Variants in ZDHHC14 observed in about 807,000 individuals in gnomAD.
The protein encoded by ZDHHC14 is zDHHC palmitoyltransferase 14, also known as palmitoyltransferase ZDHHC14.
ZDHHC14 carries 16 observed loss-of-function variants against 47.7 expected under a neutral mutation model. That is an observed-to-expected ratio of 0.34 (90% CI 0.23 to 0.51). The LOEUF is 0.51. ZDHHC14 is among the 20% of genes least tolerant of loss of function. The pLI, the probability that ZDHHC14 is intolerant of heterozygous loss-of-function variation, is 0.97. For synonymous variants in ZDHHC14, 293 were observed against 278.9 expected, an observed-to-expected ratio of 1.05 and a Z score of -0.50; for missense variants, 515 against 662.5, an observed-to-expected ratio of 0.78 and a Z score of 2.44.
At chr6:157,397,627 A>G (rs1320042597) in intron 1 of ZDHHC14, among the ~76,000 whole-genome samples, 2 of 152,186 alleles carry the variant, frequency 1.3e-5, no homozygotes, top group African/African-American at 4.8e-5. Flanking sequence ...AAGGCCCTTA[A>G]TGTATCACAG....
chr6:157,594,541 C>T (rs908948620), intron 3 of ZDHHC14, among the ~76,000 whole-genome samples: 2 of 152,180 alleles, frequency 1.3e-5, no homozygotes, highest in Non-Finnish European at 2.9e-5. Flanking sequence ...AATGAATGAA[C>T]AGGTGGAAAG....
chr6:157,561,860 C>T (rs759081031), intron 2 of ZDHHC14, among the ~76,000 whole-genome samples: 8 of 152,132 alleles, frequency 5.3e-5, no homozygotes, highest in Non-Finnish European at 1.2e-4. Flanking sequence ...GGGGTTTTCA[C>T]CATGTTGGCC....
Position 157,676,588 on chromosome 6 carries a change from G to A in ZDHHC14, c.*3466G>A, listed in dbSNP as rs1197756932. 3 of 152,250 alleles carry A rather than the reference G, an allele frequency of 2.0e-5. No homozygotes were observed. Among genetic ancestry groups the A allele is most frequent in the Non-Finnish European group, 4.4e-5 (3 of 68,076 alleles). The allele number at this position is 152,250 out of a possible 1,614,324, so 9.4% of individuals were successfully genotyped here. ...TCACCTCCTGGGCCTAGGCCTTCTT[G>A]TCTGACTCAACAGCAAGAAAAATGA... On this transcript the variant is annotated 3_prime_UTR_variant, in exon 9 of 9. Transcript: ENST00000359775.
chr6:157,546,969 C>T (rs1781995679), intron 2 of ZDHHC14, among the ~76,000 whole-genome samples: 1 of 152,190 alleles, frequency 6.6e-6, no homozygotes, highest in Admixed American at 6.5e-5. Flanking sequence ...ATTTAGGAAG[C>T]GCCTCTTCCA....
At chr6:157,596,423 C>G (rs1401053601) in intron 3 of ZDHHC14, among the ~76,000 whole-genome samples, 1 of 152,170 alleles carries the variant, frequency 6.6e-6, no homozygotes, top group Non-Finnish European at 1.5e-5. Flanking sequence ...AAATAAATGT[C>G]ACTTTGCATG....
At chr6:157,650,001 G>A (rs955959791) in intron 7 of ZDHHC14, among the ~76,000 whole-genome samples, 2 of 151,982 alleles carry the variant, frequency 1.3e-5, no homozygotes, top group African/African-American at 4.8e-5. Flanking sequence ...GTGCACGGGA[G>A]AGGGGCTGGC....
At chr6:157,476,566 A>G (rs1779489063) in intron 1 of ZDHHC14, among the ~76,000 whole-genome samples, 1 of 152,242 alleles carries the variant, frequency 6.6e-6, no homozygotes, top group Non-Finnish European at 1.5e-5. Flanking sequence ...TGAGGCCAGC[A>G]TGTCCTGAGA....
intron 1 of ZDHHC14, among the ~76,000 whole-genome samples, chr6:157,450,445 G>A (rs1272896014): frequency 1.3e-5 from 2 of 150,706 alleles, no homozygotes; most frequent in Non-Finnish European, 2.9e-5. Context: ...AACCCCGGGG[G>A]TAGAGGTTGT....
intron 1 of ZDHHC14, among the ~76,000 whole-genome samples, chr6:157,398,182 G>T (rs12194873): frequency 0.012 from 1,770 of 152,226 alleles, 15 homozygotes; most frequent in Non-Finnish European, 0.016. Context: ...TGGAAACAGG[G>T]ACGTGTGTTC....
rs751048609 is a variant in ZDHHC14 at position 157,381,982 on chromosome 6, G to T, written c.-40G>T. ...TCGGCGGGGCCCGCGCGGCCGGGGGGCTCCTGGGGGTGTGCGCCCCCAGCC... is the reference window on the plus strand; with the variant it reads ...TCGGCGGGGCCCGCGCGGCCGGGGGTCTCCTGGGGGTGTGCGCCCCCAGCC... On this transcript the variant is annotated 5_prime_UTR_variant, in exon 1 of 9. Transcript: ENST00000359775. The T allele has an allele frequency of 8.6e-6, 10 of 1,158,346 alleles. No individual in the cohort carries two copies. Among genetic ancestry groups the T allele is most frequent in the Admixed American group, 4.9e-5 (1 of 20,592 alleles). The allele number at this position is 1,158,346 out of a possible 1,614,324, so 71.8% of individuals were successfully genotyped here. A position where few individuals can be genotyped will look rare whatever the true frequency, so the allele number is the denominator to read the frequency against.
At chr6:157,555,060 T>C (rs1157053633) in intron 2 of ZDHHC14, among the ~76,000 whole-genome samples, 2 of 152,208 alleles carry the variant, frequency 1.3e-5, no homozygotes, top group East Asian at 3.9e-4. Flanking sequence ...TGGGTGACGG[T>C]TGCCCAGGGT....
At chr6:157,593,283 A>T (rs1783990171) in intron 3 of ZDHHC14, 137 bp downstream of exon 3, 2 of 1,168,214 alleles carry the variant, frequency 1.7e-6, no homozygotes. Context: ...GATTGAGTTC[A>T]CCGGGCCTAG....
intron 2 of ZDHHC14, 75 bp from the exon 3 acceptor site, chr6:157,592,913 C>T: frequency 6.6e-7 from 1 of 1,519,946 alleles, no homozygotes; most frequent in East Asian, 2.3e-5. Flanking sequence ...GGAGCTTACA[C>T]TCCAGGCGGA....
At chr6:157,431,083 G>A (rs903033896) in intron 1 of ZDHHC14, among the ~76,000 whole-genome samples, 2 of 152,262 alleles carry the variant, frequency 1.3e-5, no homozygotes, top group Admixed American at 1.3e-4. Flanking sequence ...AGTGTATACG[G>A]GACACAAGGT....
At chr6:157,468,374 C>T (rs1012506352) in intron 1 of ZDHHC14, among the ~76,000 whole-genome samples, 3 of 152,206 alleles carry the variant, frequency 2.0e-5, no homozygotes, top group Non-Finnish European at 4.4e-5. Flanking sequence ...ATTTTACATC[C>T]TTCTGTTGTT....
At chr6:157,412,262 A>T (rs1777885501) in intron 1 of ZDHHC14, among the ~76,000 whole-genome samples, 2 of 150,246 alleles carry the variant, frequency 1.3e-5, no homozygotes, top group South Asian at 4.2e-4. Flanking sequence ...TTTTATTAAT[A>T]GCTAGTAATA....
intron 1 of ZDHHC14, among the ~76,000 whole-genome samples, chr6:157,407,106 C>A (rs1235458591): frequency 1.3e-5 from 2 of 152,198 alleles, no homozygotes; most frequent in Non-Finnish European, 2.9e-5. Context: ...GTCCTTACAA[C>A]AAATGACCCT....
chr6:157,450,184 C>G (rs146783874), intron 1 of ZDHHC14, among the ~76,000 whole-genome samples: 1 of 152,040 alleles, frequency 6.6e-6, no homozygotes, highest in African/African-American at 2.4e-5. Context: ...TGGTATTTCT[C>G]AAGCCAGACT....
At chr6:157,425,946 C>G (rs1300246218) in intron 1 of ZDHHC14, among the ~76,000 whole-genome samples, 1 of 152,200 alleles carries the variant, frequency 6.6e-6, no homozygotes, top group Non-Finnish European at 1.5e-5. Context: ...CTCCTACTAT[C>G]TTGCAGAGGT....
Sources: gnomAD v4.1 joint callset for allele counts (sites outside exome capture counted in the v4.1 genomes callset) on GRCh38, gnomAD v4.1.1 for gene constraint, MANE v1.5 for transcripts, NCBI Gene and HGNC (gene_info 2026-07-23, HGNC 2026-07-21) for gene names.